Variants in ADAMTS17 observed in about 807,000 individuals in gnomAD.
The protein encoded by ADAMTS17 is ADAM metallopeptidase with thrombospondin type 1 motif 17.
ADAMTS17 carries 113 observed loss-of-function variants against 141.5 expected under a neutral mutation model. That is an observed-to-expected ratio of 0.80 (90% confidence interval 0.69 to 0.93). ADAMTS17 has a LOEUF of 0.93. Ranked by LOEUF, ADAMTS17 falls within the 40% of genes least tolerant of loss-of-function variation. The probability of loss-of-function intolerance (pLI) is 0.00; values close to 1 mark genes in which losing one functional copy is unlikely to be tolerated. For synonymous variants in ADAMTS17, 768 were observed against 630.6 expected (o/e 1.22, Z -3.27); for missense variants, 1,659 against 1,517.9 (o/e 1.09, Z -1.54).
At chr15:100,120,782 G>A (rs902792473) in intron 12 of ADAMTS17, among the ~76,000 whole-genome samples, 1 of 152,214 alleles carries the variant, frequency 6.6e-6, no homozygotes, top group African/African-American at 2.4e-5. Context: ...TGCATTCTAA[G>A]ATTTGAATGT....
chr15:100,001,434 A>T (rs1344921963), intron 18 of ADAMTS17, among the ~76,000 whole-genome samples: 1 of 151,314 alleles, frequency 6.6e-6, no homozygotes, highest in Non-Finnish European at 1.5e-5. Flanking sequence ...GTATGATGCT[A>T]TAACGGTGGA....
intron 15 of ADAMTS17, among the ~76,000 whole-genome samples, chr15:100,085,486 T>C (rs62043193): frequency 0.32 from 47,755 of 148,950 alleles, 9,885 homozygotes; most frequent in East Asian, 0.58. Flanking sequence ...TCAGGAAATA[T>C]AGAGAACACC....
intron 3 of ADAMTS17, among the ~76,000 whole-genome samples, chr15:100,287,886 G>C (rs1001813143): frequency 2.0e-5 from 3 of 152,222 alleles, no homozygotes; most frequent in Non-Finnish European, 4.4e-5. Context: ...AGGAATGACT[G>C]TTAATGGCCA....
intron 8 of ADAMTS17, among the ~76,000 whole-genome samples, chr15:100,163,051 T>C (rs1166027011): frequency 1.3e-5 from 2 of 148,736 alleles, no homozygotes; most frequent in African/African-American, 2.5e-5. Flanking sequence ...TATATAACTA[T>C]ATATGTATAT....
chr15:100,097,545 G>A (rs562305256), intron 14 of ADAMTS17, among the ~76,000 whole-genome samples: 7 of 152,380 alleles, frequency 4.6e-5, no homozygotes, highest in African/African-American at 7.2e-5. Flanking sequence ...CTGGCTGCAC[G>A]CGCATCCCTG....
chr15:100,205,968 C>T (rs1371869447), intron 7 of ADAMTS17, among the ~76,000 whole-genome samples: 1 of 152,222 alleles, frequency 6.6e-6, no homozygotes, highest in South Asian at 2.1e-4. Context: ...AAGCTCCACA[C>T]TGAGCCACGC....
chr15:100,065,639 C>G (rs144961628), intron 15 of ADAMTS17, among the ~76,000 whole-genome samples: 1 of 152,224 alleles, frequency 6.6e-6, no homozygotes, highest in African/African-American at 2.4e-5. Context: ...CCGAAGTTTT[C>G]CCACCGAAAA....
chr15:100,108,488 T>C (rs1407210901), intron 14 of ADAMTS17, among the ~76,000 whole-genome samples: 1 of 152,162 alleles, frequency 6.6e-6, no homozygotes, highest in African/African-American at 2.4e-5. Flanking sequence ...TTTCTTCACT[T>C]AAATGGTTTT....
Position 100,241,219 on chromosome 15 carries a change from C to G in ADAMTS17, c.1075+12917G>C, listed in dbSNP as rs546422120. Reference sequence around the variant, plus strand: ...GAGTAAAAAGTTAAATTTTCTTCCCCTACAACTCCAAGACTACTTTTTAAT... The same window carrying G: ...GAGTAAAAAGTTAAATTTTCTTCCCGTACAACTCCAAGACTACTTTTTAAT... On this transcript the variant is annotated intron_variant, in intron 7 of 21. Coordinates refer to ENST00000268070, the MANE Select transcript of ADAMTS17 (RefSeq NM_139057.4). Among the ~76,000 whole-genome samples, 9 of 152,286 alleles carry G rather than the reference C, an allele frequency of 5.9e-5. No homozygotes were observed. In the South Asian group the frequency reaches 1.9e-3, roughly 32 times the overall value.
chr15:100,104,459 T>C (rs1351729175), intron 14 of ADAMTS17, among the ~76,000 whole-genome samples: 1 of 152,218 alleles, frequency 6.6e-6, no homozygotes, highest in East Asian at 1.9e-4. Context: ...TTTCATGTTA[T>C]GGTTTGAATC....
At chr15:99,977,175 C>T (rs1188654934) in intron 20 of ADAMTS17, among the ~76,000 whole-genome samples, 3 of 151,264 alleles carry the variant, frequency 2.0e-5, no homozygotes, top group Admixed American at 2.0e-4. Context: ...CACGCACTAA[C>T]ATGTGGCTGA....
intron 8 of ADAMTS17, among the ~76,000 whole-genome samples, chr15:100,188,748 G>C (rs1382844183): frequency 6.6e-6 from 1 of 152,188 alleles, no homozygotes; most frequent in South Asian, 2.1e-4. Context: ...AGAGGAGGCT[G>C]AACGGAAACC....
chr15:100,119,541 C>T (rs961339914), intron 12 of ADAMTS17, among the ~76,000 whole-genome samples: 7 of 152,208 alleles, frequency 4.6e-5, no homozygotes, highest in Admixed American at 3.9e-4. Context: ...TCAGTTTCCT[C>T]GCCTTTCCAG....
At chr15:100,022,845 C>G (rs1458094705) in intron 18 of ADAMTS17, among the ~76,000 whole-genome samples, 1 of 152,102 alleles carries the variant, frequency 6.6e-6, no homozygotes, top group African/African-American at 2.4e-5. Flanking sequence ...GTAAGCCTTC[C>G]AAGCAGAAAG....
chr15:100,162,520 GCACATATA>G (rs1398758255), intron 8 of ADAMTS17, among the ~76,000 whole-genome samples: 2 of 85,424 alleles, frequency 2.3e-5, no homozygotes, highest in African/African-American at 4.7e-5. Context: ...GTATATATAT[GCACATATA>G]CACATTATAT....
intron 3 of ADAMTS17, among the ~76,000 whole-genome samples, chr15:100,320,938 A>G (rs1038421594): frequency 6.6e-6 from 1 of 152,246 alleles, no homozygotes; most frequent in Non-Finnish European, 1.5e-5. Context: ...CTTCAAGGAC[A>G]TTAAGCCCAG....
chr15:100,051,536 C>T (rs2032144015), intron 17 of ADAMTS17, 36 bp downstream of exon 17: 1 of 1,612,170 alleles, frequency 6.2e-7, no homozygotes, highest in Non-Finnish European at 8.5e-7. Flanking sequence ...TCAGCAAAAC[C>T]CCACACCCAA....
intron 15 of ADAMTS17, among the ~76,000 whole-genome samples, chr15:100,093,078 G>C (rs2035565765): frequency 6.6e-6 from 1 of 152,214 alleles, no homozygotes; most frequent in South Asian, 2.1e-4. Flanking sequence ...AAGTTGAGTT[G>C]ATTCCTTCCA....
chr15:100,261,695 C>G, intron 5 of ADAMTS17, 59 bp from the exon 6 acceptor site: 1 of 1,565,618 alleles, frequency 6.4e-7, no homozygotes, highest in Non-Finnish European at 8.7e-7. Context: ...GAGTTTATTT[C>G]CAGACTATGA....
Sources: allele counts gnomAD v4.1 joint callset (sites outside exome capture counted in the v4.1 genomes callset), GRCh38; gene constraint gnomAD v4.1.1; transcripts MANE v1.5; gene names NCBI Gene and HGNC (gene_info 2026-07-23, HGNC 2026-07-21).